The following RPS6KC1 variants were observed in gnomAD, a reference collection of about 807,000 sequenced individuals.
RPS6KC1 encodes the protein ribosomal protein S6 kinase C1, also known as inactive ribosomal protein S6 kinase delta-1.
Under a neutral mutation model 103.8 loss-of-function variants are expected in RPS6KC1, and 54 were observed. The observed-to-expected ratio is 0.52, with a 90% confidence interval of 0.42 to 0.65. The LOEUF is 0.65. Among genes scored for constraint, RPS6KC1 ranks in the 30% least tolerant of loss-of-function variants. RPS6KC1 has a pLI of 0.00. For missense variants in RPS6KC1, 1,151 were observed against 1,253.8 expected (o/e 0.92, Z 1.24); for synonymous variants, 439 against 438.7 (o/e 1.00, Z -0.01).
the RPS6KC1 span, among the ~76,000 whole-genome samples, chr1:213,535,908 C>T: frequency 6.6e-6 from 1 of 152,068 alleles, no homozygotes; most frequent in Non-Finnish European, 1.5e-5. Context: ...AATCTGAGAG[C>T]TGGGGGTGGG....
the RPS6KC1 span, among the ~76,000 whole-genome samples, chr1:213,363,757 CTCTTCTTT>C: frequency 6.6e-5 from 4 of 60,414 alleles, 1 homozygote; most frequent in Non-Finnish European, 1.4e-4. Flanking sequence ...TTCTCTTTCT[CTCTTCTTT>C]CTTTCTTTCT....
At chr1:213,343,098 A>G in the RPS6KC1 span, among the ~76,000 whole-genome samples, 1 of 152,102 alleles carries the variant, frequency 6.6e-6, no homozygotes, top group African/African-American at 2.4e-5. Flanking sequence ...ACTACTGCTT[A>G]AAAAAAGAGG....
the RPS6KC1 span, among the ~76,000 whole-genome samples, chr1:213,549,023 C>G: frequency 0.05 from 7,567 of 152,254 alleles, 666 homozygotes; most frequent in African/African-American, 0.17. Context: ...CTTGCTTGCT[C>G]CAGCTCCTAC....
chr1:213,420,886 C>T, the RPS6KC1 span, among the ~76,000 whole-genome samples: 1 of 152,184 alleles, frequency 6.6e-6, no homozygotes, highest in Non-Finnish European at 1.5e-5. Context: ...CTCCTGGCTT[C>T]TGGTGCTTCC....
At chr1:213,855,854 A>G in the RPS6KC1 span, among the ~76,000 whole-genome samples, 9 of 152,202 alleles carry the variant, frequency 5.9e-5, no homozygotes, top group Non-Finnish European at 1.3e-4. Flanking sequence ...GGGTTTCTCC[A>G]TCCCAGTGTG....
At chr1:213,219,212 A>G (rs2093756388) in intron 8 of RPS6KC1, among the ~76,000 whole-genome samples, 1 of 152,248 alleles carries the variant, frequency 6.6e-6, no homozygotes, top group African/African-American at 2.4e-5. Context: ...ATGAACAGAC[A>G]CTTTTCAAAA....
At chr1:213,761,618 A>G in the RPS6KC1 span, among the ~76,000 whole-genome samples, 1 of 152,230 alleles carries the variant, frequency 6.6e-6, no homozygotes, top group Admixed American at 6.5e-5. Flanking sequence ...GGACAGGCAA[A>G]TGGCTTCTGC....
chr1:213,340,042 G>A, the RPS6KC1 span, among the ~76,000 whole-genome samples: 8 of 152,096 alleles, frequency 5.3e-5, no homozygotes, highest in African/African-American at 1.9e-4. Context: ...ACAGGCATGC[G>A]CCACCATGCC....
At chr1:213,707,070 G>C in the RPS6KC1 span, among the ~76,000 whole-genome samples, 1 of 152,118 alleles carries the variant, frequency 6.6e-6, no homozygotes, top group Non-Finnish European at 1.5e-5. Flanking sequence ...GCTCAGTAAT[G>C]GGATTGCTGG....
the RPS6KC1 span, among the ~76,000 whole-genome samples, chr1:213,854,606 T>A: frequency 6.6e-6 from 1 of 151,568 alleles, no homozygotes; most frequent in African/African-American, 2.4e-5. Context: ...TTGAGTTCCT[T>A]CTCTACTCTT....
chr1:213,595,689 T>C, the RPS6KC1 span, among the ~76,000 whole-genome samples: 3 of 152,240 alleles, frequency 2.0e-5, no homozygotes, highest in Admixed American at 2.0e-4. Flanking sequence ...TCTGCTAACT[T>C]TTTGCAGGAT....
At position 213,147,214 on chromosome 1, in the gene RPS6KC1, CATTTTTTG is replaced by C. The variant is rs879577810; in HGVS notation, c.835+17326_835+17333del. ...TTAACTTGATGTGATGCCATTTGTC[CATTTTTTG>C]CTTTGATTGCTGGTGCTTGTGGGGT... On this transcript the variant is annotated intron_variant, in intron 6 of 14. Coordinates refer to ENST00000366960, the MANE Select transcript of RPS6KC1 (RefSeq NM_012424.6). 9.2e-3 allele frequency among the ~76,000 whole-genome samples: 1,396 copies of C among 152,182 alleles called. 39 individuals are homozygous for C. The highest frequency in any genetic ancestry group is 0.069 in the East Asian group (357 of 5,180).
the RPS6KC1 span, among the ~76,000 whole-genome samples, chr1:213,570,545 T>C: frequency 6.6e-6 from 1 of 151,510 alleles, no homozygotes; most frequent in Non-Finnish European, 1.5e-5. Flanking sequence ...GTGCTACCAG[T>C]TTTTTTAATG....
In RPS6KC1 at chr1:213,240,881, G is replaced by A; in HGVS notation, c.1405G>A (p.Ala469Thr). ...AAGTGATGGTGGAAGCATGCTTAAA[G>A]CTCTGCCTTTGAAGAGTAGTCTTAC... The part of the protein sequence containing the change: ...RGSDGGSMLK[A>T]LPLKSSLTPS... The change falls in exon 11 of 15, where the codon GCT becomes ACT. Residue 469 changes from alanine to threonine, a missense_variant. Physicochemically the swap from Ala to Thr is moderately conservative, Grantham distance 58. Around this residue, in one of 3 missense-constraint regions of RPS6KC1, gnomAD observed 959 missense variants for 1,006.3 expected, o/e 0.95. Transcript: ENST00000366960. The A allele has an allele frequency of 2.5e-6, 4 of 1,613,936 alleles. No individual in the cohort carries two copies. Among genetic ancestry groups the A allele is most frequent in the Non-Finnish European group, 3.4e-6 (4 of 1,179,914 alleles).
chr1:213,526,302 G>A, the RPS6KC1 span, among the ~76,000 whole-genome samples: 1 of 152,184 alleles, frequency 6.6e-6, no homozygotes, highest in African/African-American at 2.4e-5. Context: ...GAGCACATGT[G>A]ATATTGTTGG....
rs774253309 is a variant in RPS6KC1, at chr1:213,230,482, G to A, written c.1045-15G>A. On this transcript the variant is annotated splice_polypyrimidine_tract_variant and intron_variant, in intron 8 of 14. Transcript: ENST00000366960. ...TTGTATTGTTAATAAATTATTACTC[G>A]TGTCTTTTATGTAGGTTTTACTTGT... 73 of 1,559,848 alleles carry A rather than the reference G, an allele frequency of 4.7e-5. No homozygotes were observed. The highest frequency in any genetic ancestry group is 6.8e-5 in the South Asian group (6 of 88,154).
chr1:213,124,701 G>C (rs568567618), intron 5 of RPS6KC1, among the ~76,000 whole-genome samples: 1 of 151,964 alleles, frequency 6.6e-6, no homozygotes, highest in African/African-American at 2.4e-5. Flanking sequence ...TATCTTCCTC[G>C]AGCTGGCCGG....
the RPS6KC1 span, among the ~76,000 whole-genome samples, chr1:213,637,472 G>A: frequency 3.9e-5 from 6 of 152,194 alleles, no homozygotes; most frequent in East Asian, 1.9e-4. Flanking sequence ...TGTTGGTGAC[G>A]AGTTGATGGG....
chr1:213,786,923 G>A, the RPS6KC1 span, among the ~76,000 whole-genome samples: 5 of 152,180 alleles, frequency 3.3e-5, no homozygotes, highest in African/African-American at 1.2e-4. Context: ...AAGAAGTAAG[G>A]CATTTACTTA....
Sources: allele counts gnomAD v4.1 joint callset (sites outside exome capture counted in the v4.1 genomes callset), GRCh38; gene constraint gnomAD v4.1.1; regional missense constraint gnomAD v4.1.1; transcripts MANE v1.5; gene names NCBI Gene and HGNC (gene_info 2026-07-23, HGNC 2026-07-21).